Variants in PCDHGB3 observed in about 807,000 individuals in gnomAD.
PCDHGB3 encodes protocadherin gamma-B3.
Under a neutral mutation model 59.2 loss-of-function variants are expected in PCDHGB3, and 40 were observed. That is an observed-to-expected ratio of 0.68 (90% CI 0.52 to 0.88). The LOEUF is 0.88. Ranked by LOEUF, PCDHGB3 falls within the 40% of genes least tolerant of loss-of-function variation. The pLI is 0.00. For missense variants in PCDHGB3, 1,309 were observed against 1,187.9 expected, an observed-to-expected ratio of 1.10 and a Z score of -1.50; for synonymous variants, 581 against 503.6, an observed-to-expected ratio of 1.15 and a Z score of -2.06.
At chr5:141,464,618 C>G (rs1425657373) in intron 1 of PCDHGB3, among the ~76,000 whole-genome samples, 2 of 152,092 alleles carry the variant, frequency 1.3e-5, no homozygotes, top group Non-Finnish European at 2.9e-5. Context: ...AGTATATTGT[C>G]AAGCTTTTTA....
intron 1 of PCDHGB3, chr5:141,415,349 A>G (rs921019257): frequency 1.2e-6 from 2 of 1,614,220 alleles, no homozygotes; most frequent in Non-Finnish European, 1.7e-6. Flanking sequence ...CGCTGGCACA[A>G]GTCACGCCTG....
At chr5:141,421,267 C>A in intron 1 of PCDHGB3, 1 of 1,611,374 alleles carries the variant, frequency 6.2e-7, no homozygotes, top group South Asian at 1.1e-5. Flanking sequence ...CAGTCGGCTG[C>A]TGCTGCTGCT....
At chr5:141,508,760 T>A (rs1004267844) in intron 3 of PCDHGB3, among the ~76,000 whole-genome samples, 17 of 151,522 alleles carry the variant, frequency 1.1e-4, no homozygotes, top group Admixed American at 1.1e-3. Flanking sequence ...CTCTGGCGCC[T>A]CTGAGGTCCC....
At position 141,477,761 on chromosome 5, in the gene PCDHGB3, AC is replaced by A. The variant is rs754006143; in HGVS notation, c.2416-17044del. ...CGATGGGGGCACCCCGGTCCTAGCC[AC>A]CAACATCAGCGTGAACATATTTGTC... On this transcript the variant is annotated intron_variant, in intron 1 of 3. Coordinates refer to ENST00000576222, the MANE Select transcript of PCDHGB3 (RefSeq NM_018924.5). This position sits in a 1 kb window ranked among gnomAD's most constrained non-coding sequence, Gnocchi z 4.9. 5 of 1,613,854 alleles carry A rather than the reference AC, an allele frequency of 3.1e-6. No homozygotes were observed. Among genetic ancestry groups the A allele is most frequent in the Non-Finnish European group, 4.2e-6 (5 of 1,180,044 alleles).
At chr5:141,449,407 G>A (rs1367837385) in intron 1 of PCDHGB3, among the ~76,000 whole-genome samples, 2 of 151,754 alleles carry the variant, frequency 1.3e-5, no homozygotes, top group Non-Finnish European at 2.9e-5. Flanking sequence ...AGGAGTTCAA[G>A]ACCAGCCTGG....
At chr5:141,409,125 A>AT in intron 1 of PCDHGB3, 1 of 1,613,982 alleles carries the variant, frequency 6.2e-7, no homozygotes, top group African/African-American at 1.3e-5. Flanking sequence ...CAGTCATTTG[A>AT]TTTTGAAGAT....
At chr5:141,478,169 G>T in intron 1 of PCDHGB3, 1 of 1,613,834 alleles carries the variant, frequency 6.2e-7, no homozygotes, top group Non-Finnish European at 8.5e-7. Flanking sequence ...TGCCCCCCGG[G>T]AGCAGAAAAA....
Position 141,512,594 on chromosome 5 carries a change from G to C in PCDHGB3, c.*1421G>C, listed in dbSNP as rs981124898. On this transcript the variant is annotated 3_prime_UTR_variant, in exon 4 of 4. Transcript: ENST00000576222. ...CACCCCCTTCTGCCCCTGGGTCCCC[G>C]GCCATCCAGCGGGGCTGCCAGAGAA... 1 of 152,812 alleles carries C rather than the reference G, an allele frequency of 6.5e-6. No homozygotes were observed. The highest frequency in any genetic ancestry group is 6.5e-5 in the Admixed American group (1 of 15,280). The allele number at this position is 152,812 out of a possible 1,614,324, so 9.5% of individuals were successfully genotyped here. A position where few individuals can be genotyped will look rare whatever the true frequency, so the allele number is the denominator to read the frequency against.
chr5:141,429,450 A>G (rs1326036711), intron 1 of PCDHGB3, among the ~76,000 whole-genome samples: 1 of 152,114 alleles, frequency 6.6e-6, no homozygotes, highest in East Asian at 1.9e-4. Context: ...CTTGGGCTAC[A>G]GTAATCCTCC....
chr5:141,427,096 T>A, intron 1 of PCDHGB3: 1 of 458,056 alleles, frequency 2.2e-6, no homozygotes, highest in Non-Finnish European at 4.4e-6. Flanking sequence ...GATGAGGGTG[T>A]CAATGCGGAG....
At chr5:141,470,201 G>C (rs2154570565) in intron 1 of PCDHGB3, among the ~76,000 whole-genome samples, 1 of 152,274 alleles carries the variant, frequency 6.6e-6, no homozygotes, top group Non-Finnish European at 1.5e-5. Flanking sequence ...AGATAAATAT[G>C]AAGGCTAAAC....
rs1421124374 is a variant in PCDHGB3, at chr5:141,431,186, A to G, written c.2415+58377A>G. The G allele has an allele frequency of 1.9e-6, 3 of 1,614,110 alleles. No individual in the cohort carries two copies. ...TGAAAGTGAATTAGAAATAAAAATT[A>G]GTGAAAATGCAGCCACTGAGATGCG... On this transcript the variant is annotated intron_variant, in intron 1 of 3. Transcript: ENST00000576222. This position sits in a 1 kb window ranked among gnomAD's most constrained non-coding sequence, Gnocchi z 4.8.
At chr5:141,400,681 T>A in intron 1 of PCDHGB3, 1 of 834,118 alleles carries the variant, frequency 1.2e-6, no homozygotes, top group Non-Finnish European at 1.9e-6. Context: ...CAGTAAATTG[T>A]GAGTTTTTAT....
rs755631698 is a variant in PCDHGB3, at chr5:141,371,762, C to G, written c.1368C>G (p.Ser456=). 6.2e-7 allele frequency: 1 copy of G among 1,614,030 alleles called. No homozygotes were observed. The highest frequency in any genetic ancestry group is 1.1e-5 in the South Asian group (1 of 91,088). Reference sequence around the variant, plus strand: ...ACGTTCCCGTTTTCCACCAGGCCTCCTACACCGTGCATGTAGCTGAGAACA... The same window carrying G: ...ACGTTCCCGTTTTCCACCAGGCCTCGTACACCGTGCATGTAGCTGAGAACA... ...NDNVPVFHQA[S]YTVHVAENNP... Residue 456 remains serine (S), a synonymous_variant, in exon 1 of 4, where the codon TCC becomes TCG. Coordinates refer to ENST00000576222, the MANE Select transcript of PCDHGB3 (RefSeq NM_018924.5).
intron 1 of PCDHGB3, among the ~76,000 whole-genome samples, chr5:141,407,444 C>G (rs578101282): frequency 6.7e-6 from 1 of 150,116 alleles, no homozygotes; most frequent in South Asian, 2.1e-4. Flanking sequence ...AAAACCAGAA[C>G]ACGAGGCTCA....
chr5:141,427,854 TGC>T (rs2097079964), intron 1 of PCDHGB3: 1 of 1,553,594 alleles, frequency 6.4e-7, no homozygotes, highest in Non-Finnish European at 8.8e-7. Context: ...CGAGCAGCTG[TGC>T]GCCTTCGAGC....
chr5:141,408,769 C>A (rs754783489), intron 1 of PCDHGB3: 3 of 1,611,166 alleles, frequency 1.9e-6, no homozygotes, highest in South Asian at 1.1e-5. Flanking sequence ...CCGATGGTGG[C>A]AAATACCCAG....
Position 141,476,793 on chromosome 5 carries a change from C to T in PCDHGB3, c.2416-18014C>T, listed in dbSNP as rs754785656. ...GACGGAGGGACCCCAGCTCTCTCCG[C>T]CAGCCTGCCTATTCACATCAAGGTG... On this transcript the variant is annotated intron_variant, in intron 1 of 3. Transcript: ENST00000576222. The surrounding 1 kb of genome is among the most constrained non-coding windows in gnomAD (Gnocchi z 7.6). 1.2e-6 allele frequency: 2 copies of T among 1,613,642 alleles called. No homozygotes were observed. The highest frequency in any genetic ancestry group is 2.2e-5 in the East Asian group (1 of 44,868).
At chr5:141,478,423 C>A (rs1355847104) in intron 1 of PCDHGB3, 1 of 1,613,672 alleles carries the variant, frequency 6.2e-7, no homozygotes, top group Admixed American at 1.7e-5. Context: ...CCCGCCGCAG[C>A]GACCCGCTGC....
Sources: gnomAD v4.1 joint callset for allele counts (sites outside exome capture counted in the v4.1 genomes callset) on GRCh38, gnomAD v4.1.1 for gene constraint, Gnocchi (gnomAD v3.1) non-coding constraint, MANE v1.5 for transcripts, NCBI Gene and HGNC (gene_info 2026-07-23, HGNC 2026-07-21) for gene names.